The following PTPN4 variants were observed in gnomAD, a reference collection of about 807,000 sequenced individuals.
PTPN4 encodes tyrosine-protein phosphatase non-receptor type 4.
In PTPN4, 49 loss-of-function variants were observed where a neutral mutation model predicts 135.5. The ratio of observed to expected loss-of-function variants is 0.36; its 90% confidence interval spans 0.29 to 0.46. PTPN4 has a LOEUF of 0.46. PTPN4 is among the 20% of genes least tolerant of loss of function. The pLI, the probability that PTPN4 is intolerant of heterozygous loss-of-function variation, is 1.00. For missense variants in PTPN4, 860 were observed against 1,101.0 expected (o/e 0.78, Z 3.10); for synonymous variants, 333 against 369.9 (o/e 0.90, Z 1.14).
intron 11 of PTPN4, chr2:119,916,455 C>T (rs1678655021): frequency 6.6e-6 from 1 of 152,110 alleles, no homozygotes; most frequent in South Asian, 2.1e-4. Context: ...CGTTTATGTT[C>T]ATAAAATACA....
rs1489360967 is a variant in PTPN4 at position 119,982,197 on chromosome 2, T to TA, written c.*5128dup. 2.0e-5 allele frequency: 3 copies of TA among 152,212 alleles called. No individual in the cohort carries two copies. The highest frequency in any genetic ancestry group is 4.4e-5 in the Non-Finnish European group (3 of 68,012). 9.4% of individuals were successfully genotyped at this position (152,212 alleles called of 1,614,324 possible). On this transcript the variant is annotated 3_prime_UTR_variant, in exon 27 of 27. Coordinates refer to ENST00000263708, the MANE Select transcript of PTPN4 (RefSeq NM_002830.4). ...TCATAAAAGTTTCATTTAAACACTGTAGAGTTTCCTACCTTTGTTGTGTAA... is the reference window on the plus strand; with the variant it reads ...TCATAAAAGTTTCATTTAAACACTGTAAGAGTTTCCTACCTTTGTTGTGTAA...
intron 26 of PTPN4, among the ~76,000 whole-genome samples, chr2:119,972,187 C>T (rs1679544266): frequency 7.3e-6 from 1 of 137,370 alleles, no homozygotes. Context: ...AAAAAAAAAC[C>T]AGCAACCAGA....
intron 10 of PTPN4, among the ~76,000 whole-genome samples, chr2:119,909,615 A>G (rs1416947163): frequency 6.6e-6 from 1 of 152,180 alleles, no homozygotes; most frequent in East Asian, 1.9e-4. Context: ...TTTAAGAAAC[A>G]TATTTTGTAA....
At chr2:119,784,926 C>T (rs1306187894) in intron 1 of PTPN4, among the ~76,000 whole-genome samples, 1 of 143,140 alleles carries the variant, frequency 7.0e-6, no homozygotes, top group Admixed American at 7.2e-5. Flanking sequence ...GTTCCTCATC[C>T]TTTCCATTTT....
At chr2:119,823,427 G>T (rs555890030) in intron 2 of PTPN4, among the ~76,000 whole-genome samples, 39 of 152,114 alleles carry the variant, frequency 2.6e-4, no homozygotes, top group Admixed American at 4.6e-4. Flanking sequence ...CAGAGATGGG[G>T]TTTCACCATA....
chr2:119,881,982 TAAC>T, intron 6 of PTPN4, 112 bp from the exon 7 acceptor site: 1 of 1,147,814 alleles, frequency 8.7e-7, no homozygotes, highest in Admixed American at 1.9e-5. Context: ...GTTTATTTCT[TAAC>T]AGTTAAAATC....
intron 14 of PTPN4, among the ~76,000 whole-genome samples, chr2:119,934,408 A>G (rs2105039212): frequency 6.6e-6 from 1 of 152,350 alleles, no homozygotes; most frequent in South Asian, 2.1e-4. Context: ...AAGGCTTCAA[A>G]GAAAGTCCCA....
At chr2:119,847,275 TACACACACACACACACACAC>T (rs775485671) in intron 2 of PTPN4, among the ~76,000 whole-genome samples, 1 of 107,528 alleles carries the variant, frequency 9.3e-6, no homozygotes, top group East Asian at 2.4e-4. Flanking sequence ...ATACTCTATA[TACACACACACACACACACAC>T]ACACACACAC....
At chr2:119,926,272 A>C (rs1678823440) in intron 12 of PTPN4, among the ~76,000 whole-genome samples, 1 of 152,290 alleles carries the variant, frequency 6.6e-6, no homozygotes, top group East Asian at 1.9e-4. Context: ...CTCTAGACAA[A>C]TCAGCTTGAA....
At chr2:119,834,077 A>C (rs781457999) in intron 2 of PTPN4, among the ~76,000 whole-genome samples, 5 of 152,210 alleles carry the variant, frequency 3.3e-5, no homozygotes, top group Non-Finnish European at 7.3e-5. Flanking sequence ...GGTACATATG[A>C]TACAGGGTGC....
chr2:119,823,120 G>T (rs1677094060), intron 2 of PTPN4, among the ~76,000 whole-genome samples: 1 of 151,784 alleles, frequency 6.6e-6, no homozygotes, highest in Non-Finnish European at 1.5e-5. Flanking sequence ...AAATTCATCA[G>T]TTTATCAAGG....
chr2:119,793,927 C>G (rs961166247), intron 1 of PTPN4, among the ~76,000 whole-genome samples: 3 of 129,386 alleles, frequency 2.3e-5, no homozygotes, highest in Admixed American at 9.2e-5. Flanking sequence ...TTAATCATAG[C>G]TCACAGCAGC....
intron 15 of PTPN4, among the ~76,000 whole-genome samples, chr2:119,941,852 T>TA (rs1296783469): frequency 2.0e-5 from 3 of 152,176 alleles, no homozygotes; most frequent in African/African-American, 7.2e-5. Flanking sequence ...TATTCTCAAA[T>TA]ACCTGTAGTC....
chr2:119,896,661 T>C (rs1037496306), intron 9 of PTPN4, among the ~76,000 whole-genome samples: 19 of 152,352 alleles, frequency 1.2e-4, no homozygotes, highest in African/African-American at 4.3e-4. Context: ...TTTTTGTTTT[T>C]ATTTATTTGC....
intron 2 of PTPN4, among the ~76,000 whole-genome samples, chr2:119,850,381 C>T (rs1030970227): frequency 6.6e-6 from 1 of 152,210 alleles, no homozygotes; most frequent in African/African-American, 2.4e-5. Flanking sequence ...GCTCAGTATT[C>T]TGGACCATCT....
chr2:119,966,383 G>A (rs553401585), intron 25 of PTPN4, among the ~76,000 whole-genome samples: 5 of 152,112 alleles, frequency 3.3e-5, no homozygotes, highest in Admixed American at 6.5e-5. Context: ...CTCAGCCCCC[G>A]GAGTAGCTAG....
chr2:119,802,964 T>C (rs561995589), intron 1 of PTPN4, among the ~76,000 whole-genome samples: 2 of 152,180 alleles, frequency 1.3e-5, no homozygotes, highest in Non-Finnish European at 2.9e-5. Context: ...TGGAATTGGT[T>C]CTTTTTATGT....
At chr2:119,803,833 G>T (rs1240791152) in intron 1 of PTPN4, among the ~76,000 whole-genome samples, 1 of 149,140 alleles carries the variant, frequency 6.7e-6, no homozygotes, top group African/African-American at 2.5e-5. Flanking sequence ...TCTGTTGGTT[G>T]GTACATCCAC....
chr2:119,913,965 A>G (rs943588262), intron 10 of PTPN4, among the ~76,000 whole-genome samples: 1 of 152,168 alleles, frequency 6.6e-6, no homozygotes, highest in African/African-American at 2.4e-5. Context: ...TAGCAAATAC[A>G]AGTCACACAC....
Sources: gnomAD v4.1 joint callset for allele counts (sites outside exome capture counted in the v4.1 genomes callset) on GRCh38, gnomAD v4.1.1 for gene constraint, MANE v1.5 for transcripts, NCBI Gene and HGNC (gene_info 2026-07-23, HGNC 2026-07-21) for gene names.